The following PCDHA3 variants were observed in gnomAD, a reference collection of about 807,000 sequenced individuals.
The protein encoded by PCDHA3 is protocadherin alpha 3.
Under a neutral mutation model 62.2 loss-of-function variants are expected in PCDHA3, and 41 were observed. The observed-to-expected ratio is 0.66, with a 90% CI of 0.51 to 0.86. The LOEUF (loss-of-function observed/expected upper bound fraction) is 0.86. PCDHA3 is among the 40% of genes least tolerant of loss of function. The pLI is 0.00. For synonymous variants in PCDHA3, 640 were observed against 555.4 expected (o/e 1.15, Z -2.14); for missense variants, 1,304 against 1,241.2 (o/e 1.05, Z -0.76).
chr5:140,921,268 C>G (rs2080134153), intron 1 of PCDHA3, among the ~76,000 whole-genome samples: 1 of 151,980 alleles, frequency 6.6e-6, no homozygotes, highest in Non-Finnish European at 1.5e-5. Context: ...GACTTTTATA[C>G]TTACTTGAAA....
chr5:140,955,216 C>T (rs2095153192), intron 1 of PCDHA3, among the ~76,000 whole-genome samples: 2 of 152,122 alleles, frequency 1.3e-5, no homozygotes, highest in East Asian at 3.9e-4. Flanking sequence ...AGCATGATGC[C>T]TCCAGCTTTG....
chr5:140,842,799 C>T lies in PCDHA3; in HGVS notation c.2394+39208C>T, dbSNP rs2150344737. ...CAGGAGAACGCGCTGGTGTCCTACT[C>T]GCTTGTGGAGCGGCGGGTGGGCGAG... On this transcript the variant is annotated intron_variant, in intron 1 of 3. Coordinates refer to ENST00000522353, the MANE Select transcript of PCDHA3 (RefSeq NM_018906.3). 1.6e-5 allele frequency: 25 copies of T among 1,594,312 alleles called. 3 individuals carry two copies. Among genetic ancestry groups the T allele is most frequent in the Non-Finnish European group, 1.7e-5 (20 of 1,165,456 alleles).
Position 140,927,866 on chromosome 5 carries a change from A to G in PCDHA3, c.2395-51083A>G, listed in dbSNP as rs1554205166. The G allele has an allele frequency of 2.5e-6, 4 of 1,614,224 alleles. No individual in the cohort carries two copies. In the Admixed American group the frequency reaches 6.7e-5, roughly 27 times the overall value. On this transcript the variant is annotated intron_variant, in intron 1 of 3. Transcript: ENST00000522353. Reference sequence around the variant, plus strand: ...GTCTTTGGTTTAGCTAGCACCGCTAAACTGCTGGTGGAGGTGACTGACGTG... The same window carrying G: ...GTCTTTGGTTTAGCTAGCACCGCTAGACTGCTGGTGGAGGTGACTGACGTG...
intron 1 of PCDHA3, among the ~76,000 whole-genome samples, chr5:140,837,787 C>T (rs1177845045): frequency 3.3e-5 from 5 of 151,766 alleles, no homozygotes; most frequent in Non-Finnish European, 7.4e-5. Context: ...CAGGATCCTC[C>T]CATCTCAGCC....
chr5:140,938,797 G>A (rs76361474), intron 1 of PCDHA3, among the ~76,000 whole-genome samples: 2 of 151,926 alleles, frequency 1.3e-5, no homozygotes, highest in East Asian at 1.9e-4. Flanking sequence ...TGAAATAATC[G>A]GTACCACAAA....
intron 1 of PCDHA3, chr5:140,805,031 A>ATC (rs1554123195): frequency 3.3e-5 from 53 of 1,582,330 alleles, no homozygotes; most frequent in Non-Finnish European, 4.5e-5. Context: ...TGAATATAAT[A>ATC]GAGTCAGCCA....
chr5:140,914,126 G>T (rs2076615202), intron 1 of PCDHA3, among the ~76,000 whole-genome samples: 1 of 152,132 alleles, frequency 6.6e-6, no homozygotes, highest in Non-Finnish European at 1.5e-5. Context: ...ATGTTTCTTT[G>T]TTGAGTTTTT....
intron 1 of PCDHA3, chr5:140,828,420 T>C (rs1554131299): frequency 1.2e-6 from 2 of 1,614,068 alleles, no homozygotes. Context: ...GAGGTGATCG[T>C]GGACAGGCCG....
At chr5:141,006,579 T>C (rs1208750821) in intron 3 of PCDHA3, among the ~76,000 whole-genome samples, 1 of 151,702 alleles carries the variant, frequency 6.6e-6, no homozygotes, top group Non-Finnish European at 1.5e-5. Context: ...GTGTGGAGGG[T>C]TGGAGAGAAG....
intron 1 of PCDHA3, chr5:140,870,778 G>T: frequency 1.2e-6 from 2 of 1,613,620 alleles, no homozygotes; most frequent in South Asian, 1.1e-5. Context: ...GGACGAGAAC[G>T]ACAACGCGCC....
chr5:140,823,993 T>G (rs1767960807), intron 1 of PCDHA3: 1 of 1,613,862 alleles, frequency 6.2e-7, no homozygotes, highest in Admixed American at 1.7e-5. Context: ...CACTCTGTTG[T>G]GCTCCAGCGC....
At chr5:140,836,226 G>A (rs2150255881) in intron 1 of PCDHA3, 3 of 1,613,708 alleles carry the variant, frequency 1.9e-6, no homozygotes, top group Admixed American at 1.7e-5. Flanking sequence ...GCAACCGGTG[G>A]CGGCCGGTGC....
Position 140,884,639 on chromosome 5 carries a change from G to A in PCDHA3, c.2394+81048G>A, listed in dbSNP as rs781835096. ...TGCAGAGGGAACAGGCCAGAGGGAG[G>A]AGGACTCAGAATGCTTGAAAGAGGT... On this transcript the variant is annotated intron_variant, in intron 1 of 3. Coordinates refer to ENST00000522353, the MANE Select transcript of PCDHA3 (RefSeq NM_018906.3). 55 of 1,610,606 alleles carry A rather than the reference G, an allele frequency of 3.4e-5. No homozygotes were observed. The South Asian group carries it at 5.6e-4, about 16-fold the overall frequency.
intron 1 of PCDHA3, among the ~76,000 whole-genome samples, chr5:140,879,471 T>C (rs1320951448): frequency 1.3e-5 from 2 of 152,154 alleles, no homozygotes; most frequent in Non-Finnish European, 2.9e-5. Context: ...AGAATACCGT[T>C]GTGATTGGAA....
At chr5:140,850,283 A>G (rs143335350) in intron 1 of PCDHA3, 3 of 1,595,592 alleles carry the variant, frequency 1.9e-6, no homozygotes, top group Non-Finnish European at 2.6e-6. Context: ...AGGTGCGCGC[A>G]GTGGACGCCG....
At position 140,803,360 on chromosome 5, in the gene PCDHA3, G is replaced by A. The variant is rs1554122754; in HGVS notation, c.2163G>A (p.Leu721=). 6.2e-7 allele frequency: 1 copy of A among 1,614,186 alleles called. No homozygotes were observed. Among genetic ancestry groups the A allele is most frequent in the Non-Finnish European group, 8.5e-7 (1 of 1,180,016 alleles). Residue 721 remains leucine, a synonymous_variant, in exon 1 of 4, where the codon CTG becomes CTA. Coordinates refer to ENST00000522353, the MANE Select transcript of PCDHA3 (RefSeq NM_018906.3). ...LVLTLLLYTA[L]RCSAPPTEGD... ...TCACACTGCTGCTATATACTGCTCT[G>A]CGGTGCTCCGCGCCGCCAACCGAAG...
At chr5:140,822,834 C>A in intron 1 of PCDHA3, 1 of 1,614,218 alleles carries the variant, frequency 6.2e-7, no homozygotes, top group Middle Eastern at 1.6e-4. Flanking sequence ...CCATAACCAC[C>A]CTTTTCCTGC....
chr5:140,816,719 C>A (rs1162364587), intron 1 of PCDHA3: 1 of 151,968 alleles, frequency 6.6e-6, no homozygotes. Flanking sequence ...ATTCTAGGGA[C>A]CTCTCAAACC....
At chr5:140,934,279 A>G (rs2089746811) in intron 1 of PCDHA3, among the ~76,000 whole-genome samples, 1 of 152,104 alleles carries the variant, frequency 6.6e-6, no homozygotes, top group South Asian at 2.1e-4. Flanking sequence ...TGCTTCATCA[A>G]GGGCATTCTT....
Sources: gnomAD v4.1 joint callset for allele counts (sites outside exome capture counted in the v4.1 genomes callset) on GRCh38, gnomAD v4.1.1 for gene constraint, MANE v1.5 for transcripts, NCBI Gene and HGNC (gene_info 2026-07-23, HGNC 2026-07-21) for gene names.